Variants in REDIC1 observed in about 807,000 individuals in gnomAD.
REDIC1 encodes the protein regulator of DNA class I crossover intermediates 1.
the REDIC1 span, among the ~76,000 whole-genome samples, chr12:39,781,250 G>T: frequency 1.3e-4 from 20 of 152,136 alleles, no homozygotes; most frequent in Non-Finnish European, 2.4e-4. Context: ...AGCTTAACAG[G>T]TCTATTAAAA....
chr12:39,692,235 G>A, the REDIC1 span: 8 of 932,058 alleles, frequency 8.6e-6, no homozygotes, highest in African/African-American at 8.5e-5. Flanking sequence ...GGATATTTTA[G>A]TACTACTAAT....
the REDIC1 span, among the ~76,000 whole-genome samples, chr12:39,900,687 G>C: frequency 6.6e-6 from 1 of 152,146 alleles, no homozygotes; most frequent in East Asian, 1.9e-4. Flanking sequence ...TGAAATAAAA[G>C]AGGATACAAA....
the REDIC1 span, among the ~76,000 whole-genome samples, chr12:39,630,337 A>C: frequency 2.0e-5 from 3 of 152,124 alleles, no homozygotes; most frequent in Non-Finnish European, 4.4e-5. Flanking sequence ...TTTTTAAATT[A>C]GGGAGGTTTA....
the REDIC1 span, among the ~76,000 whole-genome samples, chr12:39,672,134 ATG>A: frequency 6.6e-6 from 1 of 152,002 alleles, no homozygotes; most frequent in South Asian, 2.1e-4. Context: ...CTGGTGGTGT[ATG>A]TGTGTGCATC....
chr12:39,882,290 G>C, the REDIC1 span, among the ~76,000 whole-genome samples: 1 of 152,122 alleles, frequency 6.6e-6, no homozygotes, highest in Non-Finnish European at 1.5e-5. Context: ...AGTAGGTCTA[G>C]GACCAAGAAT....
At chr12:39,848,152 T>G in the REDIC1 span, among the ~76,000 whole-genome samples, 1 of 151,956 alleles carries the variant, frequency 6.6e-6, no homozygotes, top group Non-Finnish European at 1.5e-5. Context: ...CAAAACCAAT[T>G]GCAACAAAAA....
At chr12:39,838,321 T>A in the REDIC1 span, among the ~76,000 whole-genome samples, 1 of 125,924 alleles carries the variant, frequency 7.9e-6, no homozygotes, top group South Asian at 2.6e-4. Flanking sequence ...AAGGGGAATA[T>A]CACACTCTGG....
the REDIC1 span, among the ~76,000 whole-genome samples, chr12:39,761,087 A>G: frequency 2.0e-5 from 3 of 152,194 alleles, no homozygotes; most frequent in Non-Finnish European, 4.4e-5. Flanking sequence ...CCAGACCATC[A>G]TGTGTATGAG....
the REDIC1 span, among the ~76,000 whole-genome samples, chr12:39,831,109 G>A: frequency 4.6e-5 from 7 of 152,100 alleles, no homozygotes; most frequent in Non-Finnish European, 8.8e-5. Flanking sequence ...GCACATGCAA[G>A]GTATCAGAGA....
At chr12:39,674,464 A>G in the REDIC1 span, among the ~76,000 whole-genome samples, 1 of 152,170 alleles carries the variant, frequency 6.6e-6, no homozygotes, top group African/African-American at 2.4e-5. Flanking sequence ...TTTTACTCCA[A>G]AAAGCACTGC....
At chr12:39,802,476 G>A in the REDIC1 span, 1 of 152,134 alleles carries the variant, frequency 6.6e-6, no homozygotes, top group Non-Finnish European at 1.5e-5. Flanking sequence ...AATAGGCAAG[G>A]GCCACTTCAT....
the REDIC1 span, among the ~76,000 whole-genome samples, chr12:39,632,122 AAT>A: frequency 6.6e-6 from 1 of 151,728 alleles, no homozygotes; most frequent in Non-Finnish European, 1.5e-5. Context: ...TTTGAGATGG[AAT>A]CTCTCTCTGT....
chr12:39,675,100 G>A, the REDIC1 span, among the ~76,000 whole-genome samples: 8 of 152,246 alleles, frequency 5.3e-5, no homozygotes, highest in Non-Finnish European at 1.2e-4. Context: ...CATGATGAGA[G>A]TGAGACAGGC....
At chr12:39,852,687 C>CA in the REDIC1 span, among the ~76,000 whole-genome samples, 1 of 152,182 alleles carries the variant, frequency 6.6e-6, no homozygotes, top group African/African-American at 2.4e-5. Flanking sequence ...GCTCAAGGAA[C>CA]AAAAGGATCA....
chr12:39,699,616 G>T, the REDIC1 span, among the ~76,000 whole-genome samples: 1 of 152,202 alleles, frequency 6.6e-6, no homozygotes. Flanking sequence ...AAGGAGGCCT[G>T]CCTGCCTCTG....
At chr12:39,731,114 G>A in the REDIC1 span, among the ~76,000 whole-genome samples, 4 of 152,120 alleles carry the variant, frequency 2.6e-5, no homozygotes, top group East Asian at 3.9e-4. Flanking sequence ...TCTTTAGCTC[G>A]GAGGAGTTTG....
At chr12:39,764,339 T>G in the REDIC1 span, 35 of 866,406 alleles carry the variant, frequency 4.0e-5, no homozygotes, top group Non-Finnish European at 5.5e-5. Flanking sequence ...GAAAGCCACA[T>G]GGAGATACTT....
chr12:39,627,224 G>A, the REDIC1 span, among the ~76,000 whole-genome samples: 3 of 152,180 alleles, frequency 2.0e-5, no homozygotes, highest in African/African-American at 7.2e-5. Context: ...ATTTTAGCAT[G>A]CACTTTTATC....
chr12:39,877,163 T>G, the REDIC1 span, among the ~76,000 whole-genome samples: 6 of 152,292 alleles, frequency 3.9e-5, no homozygotes, highest in African/African-American at 1.4e-4. Flanking sequence ...TAGTCTGCTC[T>G]TATGCTGCTA....
Sources: allele counts gnomAD v4.1 joint callset (sites outside exome capture counted in the v4.1 genomes callset), GRCh38; gene constraint gnomAD v4.1.1; transcripts MANE v1.5; gene names NCBI Gene and HGNC (gene_info 2026-07-23, HGNC 2026-07-21).